Variants in SLC24A3 observed in about 807,000 individuals in gnomAD.
The protein encoded by SLC24A3 is sodium/potassium/calcium exchanger 3.
In SLC24A3, 28 loss-of-function variants were observed where a neutral mutation model predicts 75.8. The ratio of observed to expected loss-of-function variants is 0.37; its 90% CI spans 0.27 to 0.51. The LOEUF (loss-of-function observed/expected upper bound fraction) is 0.51, where lower values mean the gene tolerates loss of function less well. Ranked by LOEUF, SLC24A3 falls within the 20% of genes least tolerant of loss-of-function variation. SLC24A3 has a pLI of 0.94. For missense variants in SLC24A3, 663 were observed against 847.8 expected (o/e 0.78, Z 2.71); for synonymous variants, 372 against 334.1 (o/e 1.11, Z -1.24).
intron 6 of SLC24A3, among the ~76,000 whole-genome samples, chr20:19,652,790 G>A (rs555686039): frequency 1.3e-5 from 2 of 152,328 alleles, no homozygotes; most frequent in African/African-American, 2.4e-5. Flanking sequence ...CAGTCGGGGA[G>A]GGTAGAGGCT....
At chr20:19,304,319 C>T (rs1436318890) in intron 2 of SLC24A3, among the ~76,000 whole-genome samples, 3 of 152,176 alleles carry the variant, frequency 2.0e-5, no homozygotes, top group African/African-American at 7.2e-5. Context: ...TATTGAGAGG[C>T]TCAGGGGCAA....
At chr20:19,299,572 A>G (rs557770639) in intron 2 of SLC24A3, among the ~76,000 whole-genome samples, 39 of 152,316 alleles carry the variant, frequency 2.6e-4, no homozygotes, top group Non-Finnish European at 1.6e-4. Context: ...GGTTCCCTTC[A>G]CCTGGACTGA....
intron 15 of SLC24A3, among the ~76,000 whole-genome samples, chr20:19,704,974 T>A (rs1247297173): frequency 6.6e-6 from 1 of 152,084 alleles, no homozygotes; most frequent in Non-Finnish European, 1.5e-5. Context: ...AGAGGAGTGC[T>A]TTCCTCAAAG....
At position 19,212,662 on chromosome 20, in the gene SLC24A3, C is replaced by A; in HGVS notation, c.-181C>A. The A allele has an allele frequency of 4.0e-6, 1 of 252,366 alleles. No individual in the cohort carries two copies. The highest frequency in any genetic ancestry group is 6.2e-6 in the Non-Finnish European group (1 of 161,786). 15.6% of individuals were successfully genotyped at this position (252,366 alleles called of 1,614,324 possible). On this transcript the variant is annotated 5_prime_UTR_variant, in exon 1 of 17. Transcript: ENST00000328041. ...TGGGCGATAGCGACGAGGAGGGCGA[C>A]GACGAGGAGACGGGCAGCGGCGAGG...
intron 6 of SLC24A3, among the ~76,000 whole-genome samples, chr20:19,598,650 T>C (rs79884116): frequency 1.2e-4 from 19 of 152,230 alleles, no homozygotes; most frequent in Admixed American, 7.2e-4. Flanking sequence ...AAAATTAGAA[T>C]TAGGGCACTT....
At chr20:19,375,917 T>C (rs1986075735) in intron 2 of SLC24A3, among the ~76,000 whole-genome samples, 1 of 152,218 alleles carries the variant, frequency 6.6e-6, no homozygotes, top group African/African-American at 2.4e-5. Context: ...GAGGAGGACA[T>C]TTTTTAATGA....
chr20:19,404,822 T>G (rs1225347338), intron 2 of SLC24A3, among the ~76,000 whole-genome samples: 1 of 152,184 alleles, frequency 6.6e-6, no homozygotes, highest in East Asian at 1.9e-4. Flanking sequence ...GGCTGGCTCT[T>G]TCCCTAATTA....
At chr20:19,627,243 G>A (rs2424237) in intron 6 of SLC24A3, among the ~76,000 whole-genome samples, 59,280 of 152,042 alleles carry the variant, frequency 0.39, 12,933 homozygotes, top group African/African-American at 0.59. Context: ...TTTCTTAGAA[G>A]TGGTACAACC....
chr20:19,642,458 C>T (rs959137016), intron 6 of SLC24A3, among the ~76,000 whole-genome samples: 3 of 152,160 alleles, frequency 2.0e-5, no homozygotes, highest in Non-Finnish European at 4.4e-5. Context: ...CACACAGTAC[C>T]TGAAGGGTGA....
intron 1 of SLC24A3, among the ~76,000 whole-genome samples, chr20:19,245,772 A>C (rs1398506352): frequency 1.3e-5 from 2 of 152,186 alleles, no homozygotes; most frequent in Non-Finnish European, 2.9e-5. Flanking sequence ...TACTGGGAAG[A>C]TAAAACAATT....
At chr20:19,354,744 CT>C (rs1985645887) in intron 2 of SLC24A3, among the ~76,000 whole-genome samples, 1 of 151,928 alleles carries the variant, frequency 6.6e-6, no homozygotes, top group Admixed American at 6.6e-5. Flanking sequence ...ACTAGAGTGG[CT>C]TAAGTTTAAA....
intron 15 of SLC24A3, among the ~76,000 whole-genome samples, chr20:19,704,285 A>G (rs991506258): frequency 1.1e-4 from 17 of 152,194 alleles, no homozygotes; most frequent in African/African-American, 4.1e-4. Context: ...GGCAAGCACA[A>G]CAGCAAAAAG....
chr20:19,513,652 T>C (rs1282677195), intron 2 of SLC24A3, among the ~76,000 whole-genome samples: 1 of 152,036 alleles, frequency 6.6e-6, no homozygotes, highest in Non-Finnish European at 1.5e-5. Context: ...CTGTCTTTTC[T>C]TGTCTCCTTT....
At chr20:19,239,948 A>G (rs944580742) in intron 1 of SLC24A3, among the ~76,000 whole-genome samples, 1 of 152,046 alleles carries the variant, frequency 6.6e-6, no homozygotes, top group Non-Finnish European at 1.5e-5. Flanking sequence ...GAGAAGCACA[A>G]TCTGCGGTTG....
At chr20:19,221,729 T>TA (rs1394521626) in intron 1 of SLC24A3, among the ~76,000 whole-genome samples, 3 of 152,196 alleles carry the variant, frequency 2.0e-5, no homozygotes, top group Admixed American at 2.0e-4. Flanking sequence ...TCGAAGCCTG[T>TA]ATCCACCCCC....
chr20:19,611,986 C>G (rs143353346), intron 6 of SLC24A3, among the ~76,000 whole-genome samples: 41 of 152,296 alleles, frequency 2.7e-4, no homozygotes, highest in African/African-American at 8.9e-4. Flanking sequence ...TTCTCTCCTC[C>G]CCACTGAGGT....
At chr20:19,247,373 A>G (rs2122174135) in intron 1 of SLC24A3, among the ~76,000 whole-genome samples, 1 of 152,338 alleles carries the variant, frequency 6.6e-6, no homozygotes, top group African/African-American at 2.4e-5. Context: ...CTAAAAGAAA[A>G]TTATGAAGAA....
intron 2 of SLC24A3, among the ~76,000 whole-genome samples, chr20:19,402,754 A>G (rs149004313): frequency 1.3e-5 from 2 of 152,312 alleles, no homozygotes; most frequent in African/African-American, 4.8e-5. Context: ...TACATTAGGA[A>G]AGAAGGCAAA....
At chr20:19,651,180 A>C (rs1167796021) in intron 6 of SLC24A3, among the ~76,000 whole-genome samples, 1 of 151,976 alleles carries the variant, frequency 6.6e-6, no homozygotes, top group Non-Finnish European at 1.5e-5. Context: ...TAGCTTTTTC[A>C]GAAAGGACAC....
Sources: gnomAD v4.1 joint callset for allele counts (sites outside exome capture counted in the v4.1 genomes callset) on GRCh38, gnomAD v4.1.1 for gene constraint, MANE v1.5 for transcripts, NCBI Gene and HGNC (gene_info 2026-07-23, HGNC 2026-07-21) for gene names.